The following ATP2C1 variants were observed in gnomAD, a reference collection of about 807,000 sequenced individuals.
The protein encoded by ATP2C1 is calcium-transporting ATPase type 2C member 1.
A neutral mutation model predicts 120.5 loss-of-function variants in ATP2C1; 31 were observed. That is an observed-to-expected ratio of 0.26 (90% CI 0.19 to 0.35). ATP2C1 has a LOEUF of 0.35. ATP2C1 is among the 10% of genes least tolerant of loss of function. The probability of loss-of-function intolerance (pLI) is 1.00; values close to 1 mark genes in which losing one functional copy is unlikely to be tolerated. For synonymous variants in ATP2C1, 351 were observed against 358.7 expected, an observed-to-expected ratio of 0.98 and a Z score of 0.24; for missense variants, 731 against 1,107.5, an observed-to-expected ratio of 0.66 and a Z score of 4.83.
intron 20 of ATP2C1, among the ~76,000 whole-genome samples, chr3:130,989,439 C>A (rs906100103): frequency 6.6e-6 from 1 of 150,904 alleles, no homozygotes; most frequent in Non-Finnish European, 1.5e-5. Context: ...GTGGTGCATG[C>A]CTGTAATCCC....
At chr3:130,972,823 C>T (rs1256144532) in intron 17 of ATP2C1, among the ~76,000 whole-genome samples, 1 of 151,710 alleles carries the variant, frequency 6.6e-6, no homozygotes, top group Non-Finnish European at 1.5e-5. Flanking sequence ...CATAGTATTC[C>T]ATGGTGTATT....
At chr3:131,015,401 A>G (rs1171450828) in intron 26 of ATP2C1, 14 of 579,802 alleles carry the variant, frequency 2.4e-5, no homozygotes, top group East Asian at 5.7e-5. Flanking sequence ...AAGATGTCCA[A>G]TCCATTGATC....
At chr3:130,918,916 C>T (rs1345605665) in intron 2 of ATP2C1, 14 of 325,618 alleles carry the variant, frequency 4.3e-5, no homozygotes, top group African/African-American at 1.3e-4. Flanking sequence ...GGCGTGAACC[C>T]GGGAGGCGGA....
intron 6 of ATP2C1, 137 bp from the exon 7 acceptor site, chr3:130,940,493 T>C (rs2059845753): frequency 1.5e-6 from 1 of 659,954 alleles, no homozygotes; most frequent in African/African-American, 1.8e-5. Context: ...CAAGCTTTTC[T>C]GGGTAAGAAT....
chr3:130,927,779 TATC>T (rs1424395827), intron 2 of ATP2C1: 1 of 152,542 alleles, frequency 6.6e-6, no homozygotes, highest in South Asian at 2.1e-4. Context: ...TCATCTAGCT[TATC>T]ATGAAACAAG....
intron 8 of ATP2C1, among the ~76,000 whole-genome samples, chr3:130,951,086 T>A (rs1248686878): frequency 6.6e-6 from 1 of 152,184 alleles, no homozygotes; most frequent in Non-Finnish European, 1.5e-5. Context: ...CTCTGACTGT[T>A]GTAACAAGCA....
intron 15 of ATP2C1, 32 bp from the exon 16 acceptor site, chr3:130,967,298 A>C (rs369443811): frequency 6.2e-7 from 1 of 1,611,954 alleles, no homozygotes; most frequent in Non-Finnish European, 8.5e-7. Context: ...AGACACAGTG[A>C]TAGGTTCATA....
chr3:130,909,856 ATATATT>A (rs921087307), intron 2 of ATP2C1, among the ~76,000 whole-genome samples: 12 of 151,624 alleles, frequency 7.9e-5, no homozygotes, highest in East Asian at 1.9e-4. Flanking sequence ...GGTTTTATAT[ATATATT>A]TATATTTATA....
At chr3:130,923,156 A>G (rs1033884811) in intron 2 of ATP2C1, among the ~76,000 whole-genome samples, 2 of 151,648 alleles carry the variant, frequency 1.3e-5, no homozygotes, top group Admixed American at 6.6e-5. Context: ...TTAGGTGCAT[A>G]TATATTTAGG....
intron 14 of ATP2C1, among the ~76,000 whole-genome samples, chr3:130,966,620 A>G (rs1291785207): frequency 6.6e-6 from 1 of 152,080 alleles, no homozygotes; most frequent in Admixed American, 6.6e-5. Flanking sequence ...TGTTCTAGAC[A>G]TATGATATAA....
intron 26 of ATP2C1, among the ~76,000 whole-genome samples, chr3:131,012,867 A>G (rs1156471434): frequency 6.6e-6 from 1 of 152,170 alleles, no homozygotes; most frequent in East Asian, 1.9e-4. Context: ...TGTGTGTTTG[A>G]CACTGGCTGA....
At chr3:130,866,993 C>G (rs1052459286) in intron 1 of ATP2C1, among the ~76,000 whole-genome samples, 1 of 152,132 alleles carries the variant, frequency 6.6e-6, no homozygotes, top group Non-Finnish European at 1.5e-5. Context: ...ATGTTTCAAA[C>G]TTTCCCATTA....
At chr3:130,904,734 A>G (rs74540805) in intron 2 of ATP2C1, among the ~76,000 whole-genome samples, 68 of 152,004 alleles carry the variant, frequency 4.5e-4, no homozygotes, top group African/African-American at 1.5e-3. Context: ...CTATCTATCA[A>G]TGGTTCTTAA....
Position 130,967,356 on chromosome 3 carries a change from A to G in ATP2C1, c.1245A>G (p.Val415=), listed in dbSNP as rs1413079189. 1.2e-6 allele frequency: 2 copies of G among 1,613,748 alleles called. No individual in the cohort carries two copies. Among genetic ancestry groups the G allele is most frequent in the South Asian group, 2.2e-5 (2 of 91,058 alleles). ...CGGGCTGTGTGTGCAATGATGCTGT[A>G]ATTAGAAACAATACTCTAATGGGGA... is the stretch of plus-strand genomic sequence containing the variant. The part of the protein sequence containing the change: ...VEAGCVCNDA[V]IRNNTLMGKP... The change falls in exon 16 of 28, where the codon GTA becomes GTG. Residue 415 remains valine (V), a synonymous_variant. Transcript: ENST00000510168.
intron 2 of ATP2C1, among the ~76,000 whole-genome samples, chr3:130,908,883 T>C (rs2058262058): frequency 6.6e-6 from 1 of 152,154 alleles, no homozygotes; most frequent in African/African-American, 2.4e-5. Context: ...GGTACAAATA[T>C]TTAATAGTAT....
chr3:130,915,987 T>C (rs1205970779), intron 2 of ATP2C1, among the ~76,000 whole-genome samples: 2 of 152,240 alleles, frequency 1.3e-5, no homozygotes, highest in Non-Finnish European at 2.9e-5. Flanking sequence ...GCAGCATTAC[T>C]GGGACATGTA....
At position 130,980,616 on chromosome 3, in the gene ATP2C1, G is replaced by A. The variant is rs1379000236; in HGVS notation, c.1776G>A (p.Gln592=). 6.2e-7 allele frequency: 1 copy of A among 1,613,310 alleles called. No individual in the cohort carries two copies. The highest frequency in any genetic ancestry group is 8.5e-7 in the Non-Finnish European group (1 of 1,179,474). Reference sequence around the variant, plus strand: ...TGGGATTGTATTCCAAAACTTCCCAGTCAGTCTCAGGAGAAGAAATAGATG... The same window carrying A: ...TGGGATTGTATTCCAAAACTTCCCAATCAGTCTCAGGAGAAGAAATAGATG... ...SRLGLYSKTS[Q]SVSGEEIDAM... Residue 592 remains glutamine (Q), a synonymous_variant, in exon 20 of 28, where the codon CAG becomes CAA. Transcript: ENST00000510168.
chr3:130,919,504 C>T (rs2058854076), intron 2 of ATP2C1, among the ~76,000 whole-genome samples: 2 of 152,166 alleles, frequency 1.3e-5, no homozygotes, highest in South Asian at 4.1e-4. Flanking sequence ...CAGGCATGAG[C>T]TACCACGCCC....
chr3:130,919,015 A>C (rs1430262850), intron 2 of ATP2C1: 4 of 449,062 alleles, frequency 8.9e-6, no homozygotes, highest in Non-Finnish European at 1.8e-5. Flanking sequence ...AACAAACAAA[A>C]AGCAGTAGCG....
Sources: gnomAD v4.1 joint callset for allele counts (sites outside exome capture counted in the v4.1 genomes callset) on GRCh38, gnomAD v4.1.1 for gene constraint, MANE v1.5 for transcripts, NCBI Gene and HGNC (gene_info 2026-07-23, HGNC 2026-07-21) for gene names.